GPRASP3: variants seen among roughly 807,000 people sequenced by gnomAD.
GPRASP3 encodes G protein-coupled receptor associated sorting protein family member 3.
chrX:102,728,607 G>A, the GPRASP3 span, among the ~76,000 whole-genome samples: 38 of 93,701 alleles, frequency 4.1e-4, no homozygotes, highest in African/African-American at 1.5e-3. Context: ...AATAGAGAGG[G>A]GGTCTTGCTA....
chrX:102,752,123 A>G, the GPRASP3 span: 1 of 122,632 alleles, frequency 8.2e-6, no homozygotes, highest in East Asian at 2.8e-4. Context: ...TGCAGCTTCA[A>G]CAACACAAAA....
the GPRASP3 span, among the ~76,000 whole-genome samples, chrX:102,727,380 A>G: frequency 2.9e-3 from 328 of 112,269 alleles, 3 homozygotes; most frequent in African/African-American, 0.01. Context: ...CACTTTCCTC[A>G]GAAGTCCATC....
chrX:102,727,786 C>T, the GPRASP3 span, among the ~76,000 whole-genome samples: 1 of 112,575 alleles, frequency 8.9e-6, no homozygotes, highest in African/African-American at 3.2e-5. Context: ...ATCTGATATA[C>T]ACATGTTGTG....
chrX:102,753,182 A>G, the GPRASP3 span: 3 of 122,961 alleles, frequency 2.4e-5, no homozygotes, highest in Non-Finnish European at 5.6e-5. Context: ...ACAAAATAGA[A>G]TTGTTTTCAT....
At chrX:102,727,368 G>T in the GPRASP3 span, among the ~76,000 whole-genome samples, 12 of 111,938 alleles carry the variant, frequency 1.1e-4, no homozygotes, top group Non-Finnish European at 2.1e-4. Flanking sequence ...TATGAATGAG[G>T]ACACTTTCCT....
the GPRASP3 span, among the ~76,000 whole-genome samples, chrX:102,746,742 G>A: frequency 4.6e-4 from 52 of 112,932 alleles, no homozygotes; most frequent in Non-Finnish European, 7.7e-4. Flanking sequence ...TCCAAAAGTG[G>A]AACTTTGAGT....
At chrX:102,743,147 T>A in the GPRASP3 span, among the ~76,000 whole-genome samples, 109 of 110,864 alleles carry the variant, frequency 9.8e-4, no homozygotes, top group African/African-American at 3.5e-3. Flanking sequence ...CCACAGGGAA[T>A]TTCCTTGTGG....
At chrX:102,742,351 C>T in the GPRASP3 span, among the ~76,000 whole-genome samples, 4 of 111,536 alleles carry the variant, frequency 3.6e-5, no homozygotes, top group East Asian at 2.8e-4. Context: ...ACCTTCTTGC[C>T]TGGGGACCAG....
chrX:102,749,888 A>T, the GPRASP3 span: 2 of 1,206,023 alleles, frequency 1.7e-6, no homozygotes, highest in Non-Finnish European at 2.2e-6. Flanking sequence ...ATTAGACGTC[A>T]AATCAGGATC....
At chrX:102,737,735 A>C in the GPRASP3 span, among the ~76,000 whole-genome samples, 1 of 111,719 alleles carries the variant, frequency 9.0e-6, no homozygotes, top group East Asian at 2.8e-4. Flanking sequence ...TTTCTGTTAG[A>C]AAGTTAAGGT....
the GPRASP3 span, among the ~76,000 whole-genome samples, chrX:102,743,346 C>G: frequency 9.0e-6 from 1 of 111,397 alleles, no homozygotes; most frequent in African/African-American, 3.3e-5. Flanking sequence ...TGCACACTTT[C>G]CATAAACCAT....
chrX:102,730,378 G>C, the GPRASP3 span, among the ~76,000 whole-genome samples: 9 of 112,620 alleles, frequency 8.0e-5, no homozygotes, highest in Non-Finnish European at 1.1e-4. Context: ...ACCTCCTGCT[G>C]TGTGACCCAG....
chrX:102,721,923 A>G, the GPRASP3 span, among the ~76,000 whole-genome samples: 15 of 110,620 alleles, frequency 1.4e-4, no homozygotes, highest in East Asian at 2.8e-3. Flanking sequence ...CTTTCCCCCT[A>G]CCCCATGCAC....
the GPRASP3 span, chrX:102,746,029 C>T: frequency 8.9e-6 from 1 of 112,126 alleles, no homozygotes; most frequent in Admixed American, 9.4e-5. Flanking sequence ...AGCCCCTGCC[C>T]AGTTTGGTGC....
At chrX:102,741,504 C>T in the GPRASP3 span, among the ~76,000 whole-genome samples, 1 of 112,292 alleles carries the variant, frequency 8.9e-6, no homozygotes, top group Non-Finnish European at 1.9e-5. Context: ...TGGGAAGTTG[C>T]TTCACCCTCT....
the GPRASP3 span, among the ~76,000 whole-genome samples, chrX:102,725,155 A>C: frequency 8.9e-6 from 1 of 111,847 alleles, no homozygotes; most frequent in Non-Finnish European, 1.9e-5. Flanking sequence ...TCCATCTCTC[A>C]TAACATTCTT....
the GPRASP3 span, among the ~76,000 whole-genome samples, chrX:102,731,533 G>C: frequency 9.0e-6 from 1 of 110,990 alleles, no homozygotes; most frequent in Non-Finnish European, 1.9e-5. Context: ...AGGAGGCTGA[G>C]GCAGGATAAT....
chrX:102,728,350 C>T, the GPRASP3 span, among the ~76,000 whole-genome samples: 6 of 110,623 alleles, frequency 5.4e-5, no homozygotes, highest in Non-Finnish European at 9.4e-5. Context: ...TTGTGCATGG[C>T]CATTACCAGG....
At chrX:102,752,722 C>T in the GPRASP3 span, 1 of 122,904 alleles carries the variant, frequency 8.1e-6, no homozygotes, top group African/African-American at 3.3e-5. Context: ...TGTATATACA[C>T]ACAAAACCAT....
Sources: gnomAD v4.1 joint callset for allele counts (sites outside exome capture counted in the v4.1 genomes callset) on GRCh38, gnomAD v4.1.1 for gene constraint, MANE v1.5 for transcripts, NCBI Gene and HGNC (gene_info 2026-07-23, HGNC 2026-07-21) for gene names.